The following EBF2 variants were observed in gnomAD, a reference collection of about 807,000 sequenced individuals.
EBF2 encodes EBF transcription factor 2, also known as transcription factor COE2.
Under a neutral mutation model 72.8 loss-of-function variants are expected in EBF2, and 21 were observed. The observed-to-expected ratio is 0.29, with a 90% CI of 0.20 to 0.42. EBF2 has a LOEUF of 0.42. Among genes scored for constraint, EBF2 ranks in the 10% least tolerant of loss-of-function variants. EBF2 has a pLI of 1.00. For synonymous variants in EBF2, 299 were observed against 274.2 expected (o/e 1.09, Z -0.89); for missense variants, 637 against 731.2 (o/e 0.87, Z 1.49).
At chr8:26,005,765 C>A (rs777430299) in intron 6 of EBF2, among the ~76,000 whole-genome samples, 44 of 145,846 alleles carry the variant, frequency 3.0e-4, no homozygotes, top group Non-Finnish European at 5.1e-4. Flanking sequence ...TGGGAGGTGG[C>A]GGCTGCAGTG....
Position 25,937,588 on chromosome 8 carries a change from G to A in EBF2, c.552-29033C>T, listed in dbSNP as rs570485245. Among the ~76,000 whole-genome samples the A allele has an allele frequency of 4.6e-5, 7 of 152,186 alleles. No individual in the cohort carries two copies. In the South Asian group the frequency reaches 8.3e-4, roughly 18 times the overall value. On this transcript the variant is annotated intron_variant, in intron 6 of 15. Transcript: ENST00000520164. ...GGGCGGGGGAGAGGGTACTGTACACGTTTTTCCTTCCTCATTTGACTACAC... is the reference window on the plus strand; with the variant it reads ...GGGCGGGGGAGAGGGTACTGTACACATTTTTCCTTCCTCATTTGACTACAC...
intron 7 of EBF2, among the ~76,000 whole-genome samples, chr8:25,893,062 G>A (rs1202985511): frequency 1.3e-5 from 2 of 152,292 alleles, no homozygotes; most frequent in Middle Eastern, 3.4e-3. Flanking sequence ...CAGTCGAAGG[G>A]AGAGGCAGAG....
chr8:25,985,739 C>A (rs1043797463), intron 6 of EBF2, among the ~76,000 whole-genome samples: 1 of 152,060 alleles, frequency 6.6e-6, no homozygotes, highest in Non-Finnish European at 1.5e-5. Context: ...GTCGCTTATG[C>A]CTGTAATCCC....
chr8:25,951,774 C>T (rs572881017), intron 6 of EBF2, among the ~76,000 whole-genome samples: 2 of 152,244 alleles, frequency 1.3e-5, no homozygotes, highest in Non-Finnish European at 2.9e-5. Context: ...AGCATTCCCC[C>T]TATTTTATAG....
intron 6 of EBF2, among the ~76,000 whole-genome samples, chr8:26,025,269 A>T (rs6982044): frequency 5.9e-5 from 9 of 152,176 alleles, no homozygotes; most frequent in East Asian, 3.9e-4. Flanking sequence ...GTCTTCGGAG[A>T]GCTTTTTGTA....
intron 6 of EBF2, among the ~76,000 whole-genome samples, chr8:25,927,260 T>TCCCAC (rs1383724568): frequency 2.1e-4 from 32 of 150,818 alleles, no homozygotes; most frequent in African/African-American, 7.5e-4. Context: ...ACTTGCCATC[T>TCCCAC]CCCACCCCAC....
At chr8:25,874,853 CTTTTTTTTTTTTTT>C (rs1183233269) in intron 10 of EBF2, among the ~76,000 whole-genome samples, 1 of 99,574 alleles carries the variant, frequency 1.0e-5, no homozygotes, top group Non-Finnish European at 1.9e-5. Context: ...GCCTGGCTAA[CTTTTTTTTTTTTTT>C]TTTTTTTTTG....
chr8:26,006,534 G>A (rs1156679481), intron 6 of EBF2, among the ~76,000 whole-genome samples: 2 of 152,120 alleles, frequency 1.3e-5, no homozygotes, highest in Non-Finnish European at 2.9e-5. Flanking sequence ...ATTTTCTGTG[G>A]CATTATTCCT....
intron 6 of EBF2, among the ~76,000 whole-genome samples, chr8:25,981,084 G>C (rs1804354408): frequency 1.3e-5 from 2 of 152,070 alleles, no homozygotes; most frequent in South Asian, 4.1e-4. Flanking sequence ...TCTAAGCCTT[G>C]CTCCTCCCTG....
At chr8:26,013,227 A>T (rs945157056) in intron 6 of EBF2, among the ~76,000 whole-genome samples, 3 of 152,126 alleles carry the variant, frequency 2.0e-5, no homozygotes, top group Non-Finnish European at 4.4e-5. Context: ...TGACGTCCCC[A>T]TTAGTTTTTA....
intron 6 of EBF2, among the ~76,000 whole-genome samples, chr8:25,952,088 T>G (rs1433293958): frequency 6.6e-6 from 1 of 152,022 alleles, no homozygotes; most frequent in Non-Finnish European, 1.5e-5. Flanking sequence ...AGGCCAGGAG[T>G]TCCAGGCCAG....
At chr8:25,953,017 A>G (rs763479905) in intron 6 of EBF2, among the ~76,000 whole-genome samples, 42 of 152,250 alleles carry the variant, frequency 2.8e-4, no homozygotes, top group Non-Finnish European at 1.0e-4. Context: ...AACTTCACAG[A>G]GACCATTTGG....
intron 1 of EBF2, among the ~76,000 whole-genome samples, chr8:26,043,577 C>G (rs1191858488): frequency 2.0e-5 from 3 of 152,210 alleles, no homozygotes; most frequent in Admixed American, 6.5e-5. Flanking sequence ...CCGCGCTCCC[C>G]GGGCCACAGG....
Position 26,045,177 on chromosome 8 carries a change from T to A in EBF2, c.-318A>T, listed in dbSNP as rs1441561460. 5.0e-6 allele frequency: 1 copy of A among 201,578 alleles called. No individual in the cohort carries two copies. The highest frequency in any genetic ancestry group is 2.3e-5 in the African/African-American group (1 of 43,642). The allele number at this position is 201,578 out of a possible 1,614,324, so 12.5% of individuals were successfully genotyped here. A position where few individuals can be genotyped will look rare whatever the true frequency, so the allele number is the denominator to read the frequency against. ...TGAAAGTGATCACAATTTAGAAGCA[T>A]CACCTGTTCTGGGAGAAACTGGAGG... On this transcript the variant is annotated 5_prime_UTR_variant, in exon 1 of 16. It removes an upstream start codon present in the reference 5' UTR. Transcript: ENST00000520164.
chr8:25,890,030 T>C (rs947630793), intron 7 of EBF2, among the ~76,000 whole-genome samples, 161 bp from the exon 8 acceptor site: 1 of 152,200 alleles, frequency 6.6e-6, no homozygotes, highest in African/African-American at 2.4e-5. Flanking sequence ...TGTAATTATG[T>C]CAAAACTTTA....
At chr8:25,942,557 T>A (rs1271667578) in intron 6 of EBF2, among the ~76,000 whole-genome samples, 1 of 152,188 alleles carries the variant, frequency 6.6e-6, no homozygotes, top group Non-Finnish European at 1.5e-5. Flanking sequence ...CTGTCTTAGG[T>A]CACTGGGGCA....
At chr8:25,988,660 A>G (rs1415329003) in intron 6 of EBF2, among the ~76,000 whole-genome samples, 1 of 152,262 alleles carries the variant, frequency 6.6e-6, no homozygotes, top group Non-Finnish European at 1.5e-5. Flanking sequence ...TCTACAATCT[A>G]GTTGAAGAGA....
intron 6 of EBF2, among the ~76,000 whole-genome samples, chr8:25,972,156 G>C (rs1804200961): frequency 6.6e-6 from 1 of 152,196 alleles, no homozygotes. Flanking sequence ...AGAGGAGCAT[G>C]CTGACCTGGA....
At chr8:26,018,666 A>G (rs1805153720) in intron 6 of EBF2, among the ~76,000 whole-genome samples, 1 of 151,704 alleles carries the variant, frequency 6.6e-6, no homozygotes, top group Admixed American at 6.6e-5. Flanking sequence ...GCAAGACTCC[A>G]TCTCAAAAAA....
Sources: gnomAD v4.1 joint callset for allele counts (sites outside exome capture counted in the v4.1 genomes callset) on GRCh38, gnomAD v4.1.1 for gene constraint, MANE v1.5 for transcripts, NCBI Gene and HGNC (gene_info 2026-07-23, HGNC 2026-07-21) for gene names.